The following GJC1 variants were observed in gnomAD, a reference collection of about 807,000 sequenced individuals.
The protein encoded by GJC1 is gap junction protein gamma 1.
GJC1 carries 5 observed loss-of-function variants against 29.3 expected under a neutral mutation model. The observed-to-expected ratio is 0.17, with a 90% CI of 0.09 to 0.36. The LOEUF (loss-of-function observed/expected upper bound fraction) is 0.36. Among genes scored for constraint, GJC1 ranks in the 10% least tolerant of loss-of-function variants. The pLI is 1.00. For synonymous variants in GJC1, 177 were observed against 183.3 expected, an observed-to-expected ratio of 0.97 and a Z score of 0.28; for missense variants, 310 against 496.2, an observed-to-expected ratio of 0.62 and a Z score of 3.56.
intron 1 of GJC1, among the ~76,000 whole-genome samples, chr17:44,821,715 AAAAAAAAAAAC>A (rs1567714222): frequency 1.0e-4 from 15 of 148,624 alleles, no homozygotes; most frequent in African/African-American, 3.7e-4. Context: ...AAAAAAAAAA[AAAAAAAAAAAC>A]AACAAAAAAA....
rs111870103 is a variant in GJC1, at chr17:44,817,856, A to G, written c.-96-10387T>C. On this transcript the variant is annotated intron_variant, in intron 1 of 2. Coordinates refer to ENST00000592524, the MANE Select transcript of GJC1 (RefSeq NM_005497.4). Reference sequence around the variant, plus strand: ...CTCGCTAGTAAAGAATTACATTACCAATGGAATTATGTACAGGTTCTATGT... The same window carrying G: ...CTCGCTAGTAAAGAATTACATTACCGATGGAATTATGTACAGGTTCTATGT... Among the ~76,000 whole-genome samples the G allele has an allele frequency of 4.2e-3, 636 of 151,492 alleles. 2 individuals are homozygous for G. Among genetic ancestry groups the G allele is most frequent in the African/African-American group, 0.014 (593 of 41,310 alleles).
Position 44,823,559 on chromosome 17 carries a change from C to G in GJC1, c.-97+6503G>C, listed in dbSNP as rs142519845. ...GCCACCGTACCTAGCCTCTTTCCTC[C>G]TTTTTTTTAAAATTTCTTATTTTTG... is the stretch of plus-strand genomic sequence containing the variant. On this transcript the variant is annotated intron_variant, in intron 1 of 2. Transcript: ENST00000592524. Among the ~76,000 whole-genome samples, 182 of 150,968 alleles carry G rather than the reference C, an allele frequency of 1.2e-3. 2 individuals carry two copies. The highest frequency in any genetic ancestry group is 4.3e-3 in the African/African-American group (178 of 41,194).
intron 1 of GJC1, among the ~76,000 whole-genome samples, chr17:44,821,130 A>G (rs1319135871): frequency 2.0e-5 from 3 of 152,204 alleles, no homozygotes; most frequent in Non-Finnish European, 4.4e-5. Flanking sequence ...AAGCCATTCT[A>G]TTTGAATGTA....
At chr17:44,798,362 A>G (rs1206921590), downstream of GJC1, 1 of 152,208 alleles carries the variant, frequency 6.6e-6, no homozygotes, top group African/African-American at 2.4e-5. Flanking sequence ...TCTTATATAA[A>G]TAGGGTAAAA....
At chr17:44,794,569 A>G (rs530674130), downstream of GJC1, 1 of 152,392 alleles carries the variant, frequency 6.6e-6, no homozygotes, top group East Asian at 1.9e-4. Context: ...GCTCCCCGTC[A>G]GTGCTTTTCA....
In GJC1 at chr17:44,805,545, G is replaced by A; in HGVS notation, c.273C>T (p.Tyr91=). The A allele has an allele frequency of 6.2e-7, 1 of 1,614,180 alleles. No homozygotes were observed. Among genetic ancestry groups the A allele is most frequent in the Non-Finnish European group, 8.5e-7 (1 of 1,180,042 alleles). The change falls in exon 3 of 3, where the codon TAC becomes TAT. Residue 91 remains tyrosine (Y), a synonymous_variant. Coordinates refer to ENST00000592524, the MANE Select transcript of GJC1 (RefSeq NM_005497.4). This position sits in a 1 kb window ranked among gnomAD's most constrained non-coding sequence, Gnocchi z 5.1. ...IILVATPSVM[Y]LGYAIHKIAK... ...CAATCTTGTGGATAGCATAGCCCAG[G>A]TACATCACAGAGGGAGTTGCCACCA...
In GJC1 at chr17:44,803,569, C is replaced by A. The variant is rs1417785277; in HGVS notation, c.*1058G>T. 6.6e-6 allele frequency: 1 copy of A among 152,202 alleles called. No individual in the cohort carries two copies. Among genetic ancestry groups the A allele is most frequent in the African/African-American group, 2.4e-5 (1 of 41,446 alleles). 9.4% of individuals were successfully genotyped at this position (152,202 alleles called of 1,614,324 possible). ...AAAAATAAGAAATTTGGATTTAGGC[C>A]TTCTGCCATTTCCAATACAAGTAGC... On this transcript the variant is annotated 3_prime_UTR_variant, in exon 3 of 3. Coordinates refer to ENST00000592524, the MANE Select transcript of GJC1 (RefSeq NM_005497.4).
At chr17:44,811,559 G>C (rs1049969419) in intron 1 of GJC1, among the ~76,000 whole-genome samples, 3 of 151,766 alleles carry the variant, frequency 2.0e-5, no homozygotes, top group African/African-American at 7.3e-5. Context: ...GCTAATTTTT[G>C]TATTTTTTGC....
At position 44,800,658 on chromosome 17, in the gene GJC1, A is replaced by T. The variant is rs1277772931; in HGVS notation, c.*3969T>A. 1 of 152,192 alleles carries T rather than the reference A, an allele frequency of 6.6e-6. No individual in the cohort carries two copies. The highest frequency in any genetic ancestry group is 1.5e-5 in the Non-Finnish European group (1 of 68,046). The allele number at this position is 152,192 out of a possible 1,614,324, so 9.4% of individuals were successfully genotyped here. ...TAACATGTAAGTCCATTCTTCGTAT[A>T]AACTGCTAGAGAGTGTTTCAGACCA... On this transcript the variant is annotated 3_prime_UTR_variant, in exon 3 of 3. Coordinates refer to ENST00000592524, the MANE Select transcript of GJC1 (RefSeq NM_005497.4).
Position 44,802,845 on chromosome 17 carries a change from A to T in GJC1, c.*1782T>A, listed in dbSNP as rs1372856478. 1.3e-5 allele frequency: 2 copies of T among 152,170 alleles called. No individual in the cohort carries two copies. Among genetic ancestry groups the T allele is most frequent in the African/African-American group, 2.4e-5 (1 of 41,430 alleles). 9.4% of individuals were successfully genotyped at this position (152,170 alleles called of 1,614,324 possible). ...CCTCATCTCTACAAAAAAAATTTTT[A>T]AAACAGAATTAGCCGAGTATGGTGG... On this transcript the variant is annotated 3_prime_UTR_variant, in exon 3 of 3. Transcript: ENST00000592524.
chr17:44,814,730 G>T (rs958539621), intron 1 of GJC1, among the ~76,000 whole-genome samples: 4 of 152,016 alleles, frequency 2.6e-5, no homozygotes, highest in African/African-American at 4.8e-5. Flanking sequence ...ATCACCTAAG[G>T]TCAGGAGTTC....
chr17:44,798,517 C>T lies in GJC1; in HGVS notation c.*6110G>A, dbSNP rs550673808. The T allele has an allele frequency of 3.3e-4, 50 of 152,282 alleles. No homozygotes were observed. Among genetic ancestry groups the T allele is most frequent in the African/African-American group, 1.1e-3 (47 of 41,550 alleles). 9.4% of individuals were successfully genotyped at this position (152,282 alleles called of 1,614,324 possible). The stretch of plus-strand genomic sequence containing the variant: ...GACAAGGCCCTGAGCACACAGAGTC[C>T]GTCTCCACCATGAAAATATTACATA... On this transcript the variant is annotated 3_prime_UTR_variant, in exon 3 of 3. Transcript: ENST00000592524.
chr17:44,830,844 G>C (rs564288578), upstream of GJC1: 4 of 396,568 alleles, frequency 1.0e-5, no homozygotes, highest in South Asian at 5.4e-4. The surrounding 1 kb of genome is among the most constrained non-coding windows in gnomAD (Gnocchi z 4.3). Flanking sequence ...TGAACTTCTC[G>C]GATTAGCAAG....
At chr17:44,820,745 G>A (rs971763577) in intron 1 of GJC1, among the ~76,000 whole-genome samples, 4 of 152,098 alleles carry the variant, frequency 2.6e-5, no homozygotes, top group Non-Finnish European at 5.9e-5. Context: ...CCCTGAACGC[G>A]ACTGCTTTAT....
intron 1 of GJC1, among the ~76,000 whole-genome samples, chr17:44,824,110 C>T (rs1007807102): frequency 6.6e-6 from 1 of 152,060 alleles, no homozygotes; most frequent in Non-Finnish European, 1.5e-5. Flanking sequence ...CGGGTTCAAG[C>T]GATTCCCCTG....
chr17:44,807,802 G>A (rs997433854), intron 1 of GJC1: 1 of 152,106 alleles, frequency 6.6e-6, no homozygotes, highest in African/African-American at 2.4e-5. Context: ...CAAATTGAAA[G>A]CAGGTCACTA....
At chr17:44,798,150 G>A (rs1213616091), downstream of GJC1, among the ~76,000 whole-genome samples, 1 of 152,122 alleles carries the variant, frequency 6.6e-6, no homozygotes, top group East Asian at 1.9e-4. Context: ...GCGACGCCAC[G>A]AATATGCTGA....
intron 1 of GJC1, chr17:44,808,023 T>C (rs1483698420): frequency 1.3e-5 from 2 of 152,202 alleles, no homozygotes; most frequent in Non-Finnish European, 2.9e-5. Context: ...CACCTGCATC[T>C]GTACTGGATT....
chr17:44,821,683 G>T (rs1270335934), intron 1 of GJC1, among the ~76,000 whole-genome samples: 8 of 103,118 alleles, frequency 7.8e-5, no homozygotes, highest in Non-Finnish European at 1.1e-4. Flanking sequence ...GGCAACAAGA[G>T]GGAAACTCCG....
Sources: gnomAD v4.1 joint callset for allele counts (sites outside exome capture counted in the v4.1 genomes callset) on GRCh38, gnomAD v4.1.1 for gene constraint, Gnocchi (gnomAD v3.1) non-coding constraint, MANE v1.5 for transcripts, NCBI Gene and HGNC (gene_info 2026-07-23, HGNC 2026-07-21) for gene names.